NKAIN3: variants seen among roughly 807,000 people sequenced by gnomAD.
The protein encoded by NKAIN3 is sodium/potassium transporting ATPase interacting 3.
Under a neutral mutation model 30.2 loss-of-function variants are expected in NKAIN3, and 25 were observed. The ratio of observed to expected loss-of-function variants is 0.83; its 90% CI spans 0.60 to 1.16. NKAIN3 has a LOEUF of 1.16. Among genes scored for constraint, NKAIN3 ranks in the 50% most tolerant of loss-of-function variants. The pLI, the probability that NKAIN3 is intolerant of heterozygous loss-of-function variation, is 0.00. For synonymous variants in NKAIN3, 91 were observed against 89.6 expected (o/e 1.02, Z -0.09); for missense variants, 225 against 254.1 (o/e 0.89, Z 0.78).
At chr8:62,738,755 A>T (rs937390639) in intron 3 of NKAIN3, among the ~76,000 whole-genome samples, 6 of 152,026 alleles carry the variant, frequency 3.9e-5, no homozygotes, top group Admixed American at 3.9e-4. Context: ...AATTGCAAAA[A>T]TTTTCTCCCA....
At chr8:62,306,326 G>A (rs1340637063) in intron 1 of NKAIN3, among the ~76,000 whole-genome samples, 1 of 150,190 alleles carries the variant, frequency 6.7e-6, no homozygotes, top group Admixed American at 6.6e-5. Flanking sequence ...GGAAGGGGAG[G>A]TGGGCAGTAA....
intron 3 of NKAIN3, among the ~76,000 whole-genome samples, chr8:62,671,798 A>C (rs1013847729): frequency 6.6e-6 from 1 of 151,924 alleles, no homozygotes; most frequent in Non-Finnish European, 1.5e-5. Context: ...TATGTTCTTT[A>C]GGATAGCTTC....
chr8:62,700,954 ATAT>A (rs1203098663), intron 3 of NKAIN3, among the ~76,000 whole-genome samples: 6 of 152,232 alleles, frequency 3.9e-5, no homozygotes, highest in African/African-American at 1.4e-4. Context: ...TTATTTCTAA[ATAT>A]TATGTTTGCA....
chr8:62,468,927 A>C (rs369553150), intron 1 of NKAIN3, among the ~76,000 whole-genome samples: 1 of 152,158 alleles, frequency 6.6e-6, no homozygotes, highest in African/African-American at 2.4e-5. Context: ...CACCTAGTAG[A>C]CATCTACTAG....
At chr8:62,416,881 A>C (rs1804461460) in intron 1 of NKAIN3, among the ~76,000 whole-genome samples, 1 of 151,836 alleles carries the variant, frequency 6.6e-6, no homozygotes, top group Admixed American at 6.6e-5. Flanking sequence ...AATCCCAGCT[A>C]CTTGGGAGGC....
intron 4 of NKAIN3, among the ~76,000 whole-genome samples, chr8:62,885,758 C>T (rs950062099): frequency 6.6e-5 from 10 of 152,166 alleles, no homozygotes; most frequent in Non-Finnish European, 1.5e-4. Flanking sequence ...TGATAATTTT[C>T]CTTCTTCTGA....
chr8:62,660,405 G>T (rs905969111), intron 3 of NKAIN3, among the ~76,000 whole-genome samples: 3 of 151,990 alleles, frequency 2.0e-5, no homozygotes, highest in African/African-American at 7.2e-5. Flanking sequence ...TAGAGATGAG[G>T]TATCCATGTG....
At chr8:62,386,318 C>G (rs1374359068) in intron 1 of NKAIN3, among the ~76,000 whole-genome samples, 8 of 152,062 alleles carry the variant, frequency 5.3e-5, no homozygotes, top group Non-Finnish European at 8.8e-5. Flanking sequence ...GTTTTCAAAA[C>G]TAAAAAATGT....
At chr8:62,547,625 A>G (rs1170324006) in intron 1 of NKAIN3, among the ~76,000 whole-genome samples, 1 of 152,200 alleles carries the variant, frequency 6.6e-6, no homozygotes, top group Non-Finnish European at 1.5e-5. Context: ...TTTCAAGGCC[A>G]CTATTTAAAA....
intron 1 of NKAIN3, among the ~76,000 whole-genome samples, chr8:62,402,108 T>C (rs187221888): frequency 4.6e-5 from 7 of 152,312 alleles, no homozygotes; most frequent in Admixed American, 3.9e-4. Context: ...TTTTTTATTG[T>C]GGTTCAGCTG....
chr8:62,939,411 G>A (rs1377828233), intron 5 of NKAIN3, among the ~76,000 whole-genome samples: 1 of 152,144 alleles, frequency 6.6e-6, no homozygotes, highest in African/African-American at 2.4e-5. Flanking sequence ...GAATGCCCAG[G>A]AAATTCACTG....
At chr8:62,485,067 A>G (rs768198053) in intron 1 of NKAIN3, among the ~76,000 whole-genome samples, 2 of 152,198 alleles carry the variant, frequency 1.3e-5, no homozygotes, top group East Asian at 3.9e-4. Flanking sequence ...GTCAGGAACA[A>G]CAGAGCCCTG....
chr8:62,702,802 G>C (rs1418674248), intron 3 of NKAIN3, among the ~76,000 whole-genome samples: 1 of 152,148 alleles, frequency 6.6e-6, no homozygotes. Context: ...TTAGTTTCCA[G>C]AACTTTGTTC....
rs1185198238 is a variant in NKAIN3, at chr8:62,429,668, A to T, written c.55-149871A>T. 3.3e-5 allele frequency among the ~76,000 whole-genome samples: 5 copies of T among 151,784 alleles called. No individual in the cohort carries two copies. In the Admixed American group the frequency reaches 3.3e-4, roughly 10 times the overall value. Reference sequence around the variant, plus strand: ...TGAGTAGAATTAGTATTATTCGAGGATCTACTTTCTGCCACTTTTGTCTAA... The same window carrying T: ...TGAGTAGAATTAGTATTATTCGAGGTTCTACTTTCTGCCACTTTTGTCTAA... On this transcript the variant is annotated intron_variant, in intron 1 of 6. Transcript: ENST00000623646.
chr8:62,583,312 G>A (rs886777359), intron 2 of NKAIN3, among the ~76,000 whole-genome samples: 1 of 151,974 alleles, frequency 6.6e-6, no homozygotes, highest in Non-Finnish European at 1.5e-5. Context: ...GCAGTTTTAG[G>A]TCTTTCAGAA....
At chr8:62,392,867 T>C (rs987799357) in intron 1 of NKAIN3, among the ~76,000 whole-genome samples, 5 of 152,062 alleles carry the variant, frequency 3.3e-5, no homozygotes, top group Non-Finnish European at 7.4e-5. Flanking sequence ...ATAAAATATA[T>C]GACTTAGAGA....
At chr8:62,515,718 C>T (rs62511509) in intron 1 of NKAIN3, among the ~76,000 whole-genome samples, 2,295 of 152,192 alleles carry the variant, frequency 0.015, 27 homozygotes, top group Non-Finnish European at 0.023. Context: ...GTTTCTGTTT[C>T]CCAACATCTT....
intron 3 of NKAIN3, among the ~76,000 whole-genome samples, chr8:62,710,410 G>A (rs1814676555): frequency 6.6e-6 from 1 of 152,074 alleles, no homozygotes; most frequent in Non-Finnish European, 1.5e-5. Context: ...CCAGTGTTAG[G>A]TGCATATATG....
At chr8:62,987,979 C>T (rs1563656261), downstream of NKAIN3, among the ~76,000 whole-genome samples, 1 of 152,210 alleles carries the variant, frequency 6.6e-6, no homozygotes, top group Non-Finnish European at 1.5e-5. Flanking sequence ...TACTCCTGTT[C>T]TAAATTGGAG....
Sources: gnomAD v4.1 joint callset for allele counts (sites outside exome capture counted in the v4.1 genomes callset) on GRCh38, gnomAD v4.1.1 for gene constraint, MANE v1.5 for transcripts, NCBI Gene and HGNC (gene_info 2026-07-23, HGNC 2026-07-21) for gene names.